The following UBXN4 variants were observed in gnomAD, a reference collection of about 807,000 sequenced individuals.
UBXN4 encodes the protein UBX domain protein 4, also known as UBX domain-containing protein 4.
UBXN4 carries 35 observed loss-of-function variants against 66.2 expected under a neutral mutation model. The observed-to-expected ratio is 0.53, with a 90% CI of 0.40 to 0.70. The LOEUF (loss-of-function observed/expected upper bound fraction) is 0.70, where lower values mean the gene tolerates loss of function less well. Among genes scored for constraint, UBXN4 ranks in the 30% least tolerant of loss-of-function variants. The probability of loss-of-function intolerance (pLI) is 0.00; values close to 1 mark genes in which losing one functional copy is unlikely to be tolerated. For missense variants in UBXN4, 533 were observed against 599.8 expected (o/e 0.89, Z 1.16); for synonymous variants, 203 against 204.5 (o/e 0.99, Z 0.06).
rs544812714 is a variant in UBXN4, at chr2:135,783,021, G to A, written c.*134G>A. The A allele has an allele frequency of 6.9e-4, 649 of 938,202 alleles. No individual in the cohort carries two copies. Among genetic ancestry groups the A allele is most frequent in the Non-Finnish European group, 9.7e-4 (626 of 643,270 alleles). The allele number at this position is 938,202 out of a possible 1,614,324, so 58.1% of individuals were successfully genotyped here. ...AATGTCTCTTTATTCCTGCTTAGTG[G>A]GTGTGGGTTGAAGGTGTTTAACTCA... is the stretch of plus-strand genomic sequence containing the variant. On this transcript the variant is annotated 3_prime_UTR_variant, in exon 13 of 13. Coordinates refer to ENST00000272638, the MANE Select transcript of UBXN4 (RefSeq NM_014607.4).
At chr2:135,762,978 G>A (rs1002429198) in intron 6 of UBXN4, among the ~76,000 whole-genome samples, 3 of 152,134 alleles carry the variant, frequency 2.0e-5, no homozygotes, top group African/African-American at 2.4e-5. Flanking sequence ...GGGGTCAGGC[G>A]CTATTTAGTT....
At chr2:135,775,699 T>C (rs936169877) in intron 9 of UBXN4, among the ~76,000 whole-genome samples, 3 of 152,122 alleles carry the variant, frequency 2.0e-5, no homozygotes, top group African/African-American at 7.2e-5. Context: ...GTTCTGGAAT[T>C]AGATAATGTT....
chr2:135,766,581 C>G (rs1250650119), intron 6 of UBXN4, among the ~76,000 whole-genome samples: 1 of 152,154 alleles, frequency 6.6e-6, no homozygotes, highest in Non-Finnish European at 1.5e-5. Flanking sequence ...TTAGTTGTTT[C>G]TACAATGTCC....
intron 2 of UBXN4, among the ~76,000 whole-genome samples, chr2:135,748,987 A>G (rs1325132362): frequency 1.3e-5 from 2 of 152,050 alleles, no homozygotes; most frequent in Non-Finnish European, 2.9e-5. Flanking sequence ...GGCTGCAGTT[A>G]GCAGTGACTG....
At position 135,753,540 on chromosome 2, in the gene UBXN4, G is replaced by A; in HGVS notation, c.187G>A (p.Glu63Lys). The A allele has an allele frequency of 3.3e-6, 5 of 1,525,306 alleles. No homozygotes were observed. Among genetic ancestry groups the A allele is most frequent in the Non-Finnish European group, 4.4e-6 (5 of 1,149,230 alleles). The allele number at this position is 1,525,306 out of a possible 1,614,324, so 94.5% of individuals were successfully genotyped here. ...FVAIKIDTKSEACLQFSQIYP... is the reference protein window; with the variant it reads ...FVAIKIDTKSKACLQFSQIYP... ...ATTTTGTTTGATTTTGTTTTACAGT[G>A]AAGCCTGCCTACAGTTTTCACAAAT... The change falls in exon 3 of 13, where the codon GAA becomes AAA. Residue 63 changes from glutamate to lysine, a missense_variant and splice_region_variant. Transcript: ENST00000272638.
intron 9 of UBXN4, among the ~76,000 whole-genome samples, chr2:135,774,654 C>T (rs1057340996): frequency 5.3e-5 from 8 of 151,958 alleles, no homozygotes; most frequent in Non-Finnish European, 7.4e-5. Context: ...AAACCAGCCT[C>T]GCCAACGTGG....
chr2:135,779,519 C>T (rs568605192), intron 11 of UBXN4, among the ~76,000 whole-genome samples: 1 of 152,260 alleles, frequency 6.6e-6, no homozygotes, highest in South Asian at 2.1e-4. Context: ...GCTTAAATGA[C>T]TGCTGCCGTA....
chr2:135,756,045 G>A (rs898129351), intron 5 of UBXN4, among the ~76,000 whole-genome samples: 1 of 152,108 alleles, frequency 6.6e-6, no homozygotes, highest in African/African-American at 2.4e-5. Context: ...ATTTGGAATT[G>A]TTTCTATAAC....
At chr2:135,768,747 G>C (rs1473326577) in intron 6 of UBXN4, among the ~76,000 whole-genome samples, 1 of 151,370 alleles carries the variant, frequency 6.6e-6, no homozygotes, top group Non-Finnish European at 1.5e-5. Flanking sequence ...ATTTTTAGTA[G>C]AGACAGCGTT....
At chr2:135,776,209 T>G in intron 9 of UBXN4, 40 bp from the exon 10 acceptor site, 1 of 1,497,292 alleles carries the variant, frequency 6.7e-7, no homozygotes, top group Non-Finnish European at 9.3e-7. Context: ...AGAGAATATA[T>G]AGAGGTGAAG....
In UBXN4 at chr2:135,782,932, T is replaced by C. The variant is rs369790270; in HGVS notation, c.*45T>C. 5 of 1,564,358 alleles carry C rather than the reference T, an allele frequency of 3.2e-6. No individual in the cohort carries two copies. The highest frequency in any genetic ancestry group is 1.7e-6 in the Non-Finnish European group (2 of 1,155,102). ...GCAATAATCATTGTTTCTCTTATGA[T>C]TTAATTCAACTAAAATTCTACTGGA... On this transcript the variant is annotated 3_prime_UTR_variant, in exon 13 of 13. Coordinates refer to ENST00000272638, the MANE Select transcript of UBXN4 (RefSeq NM_014607.4).
intron 1 of UBXN4, chr2:135,742,882 A>G (rs1029270674): frequency 2.0e-5 from 3 of 151,814 alleles, no homozygotes; most frequent in East Asian, 1.9e-4. Flanking sequence ...TTGTCTTCTT[A>G]GGCTAAAATC....
chr2:135,762,232 C>A (rs1416549345), intron 6 of UBXN4, among the ~76,000 whole-genome samples: 1 of 152,186 alleles, frequency 6.6e-6, no homozygotes, highest in Non-Finnish European at 1.5e-5. Context: ...TCCAGATGGG[C>A]AAGAACTTCA....
chr2:135,779,194 T>G, intron 11 of UBXN4, 115 bp downstream of exon 11: 1 of 1,113,760 alleles, frequency 9.0e-7, no homozygotes, highest in South Asian at 3.2e-5. Context: ...GTAATTAAAA[T>G]TCAAGTGATC....
intron 1 of UBXN4, chr2:135,742,727 A>G (rs1414236254): frequency 6.6e-6 from 1 of 152,176 alleles, no homozygotes. Context: ...TACGTTCCTG[A>G]AACGTAAACT....
rs538526893 is a variant in UBXN4 at position 135,743,460 on chromosome 2, C to T, written c.82+1449C>T. ...CTCCTAATATCTCAGTTGATCCTTG[C>T]AGTAAATAGAACAGGTTTAATTATC... On this transcript the variant is annotated intron_variant, in intron 1 of 12. Transcript: ENST00000272638. Among the ~76,000 whole-genome samples the T allele has an allele frequency of 2.0e-5, 3 of 152,128 alleles. No individual in the cohort carries two copies. The South Asian group carries it at 6.2e-4, about 32-fold the overall frequency.
intron 6 of UBXN4, 90 bp from the exon 7 acceptor site, chr2:135,769,679 C>G: frequency 1.0e-6 from 1 of 956,770 alleles, no homozygotes; most frequent in Non-Finnish European, 1.5e-6. Flanking sequence ...TTTATTTCTC[C>G]AATTGTTTTA....
At chr2:135,755,762 AT>A in intron 5 of UBXN4, 71 bp downstream of exon 5, 2 of 965,196 alleles carry the variant, frequency 2.1e-6, no homozygotes, top group Non-Finnish European at 2.6e-6. Context: ...AAATATTAAT[AT>A]TTTAAAAATA....
chr2:135,748,356 A>G lies in UBXN4; in HGVS notation c.172A>G (p.Ile58Val). ...ASSNSFVAIK[I>V]DTKSEACLQF... Reference sequence around the variant, plus strand: ...TTCAAACAGTTTTGTTGCTATTAAAATCGATACCAAAAGGTTTGTTTATGT... The same window carrying G: ...TTCAAACAGTTTTGTTGCTATTAAAGTCGATACCAAAAGGTTTGTTTATGT... The change falls in exon 2 of 13, where the codon ATC (isoleucine) becomes GTC (valine). Residue 58 changes from isoleucine to valine, a missense_variant. Around this residue, in one of 2 missense-constraint regions of UBXN4, gnomAD observed 529 missense variants for 580.1 expected, o/e 0.91. Transcript: ENST00000272638. 1 of 1,591,248 alleles carries G rather than the reference A, an allele frequency of 6.3e-7. No homozygotes were observed. The highest frequency in any genetic ancestry group is 8.5e-7 in the Non-Finnish European group (1 of 1,170,896).
Sources: gnomAD v4.1 joint callset for allele counts (sites outside exome capture counted in the v4.1 genomes callset) on GRCh38, gnomAD v4.1.1 for gene constraint, gnomAD v4.1.1 regional missense constraint, MANE v1.5 for transcripts, NCBI Gene and HGNC (gene_info 2026-07-23, HGNC 2026-07-21) for gene names.